Variants in PACS2 observed in about 807,000 individuals in gnomAD.
The protein encoded by PACS2 is phosphofurin acidic cluster sorting protein 2.
In PACS2, 36 loss-of-function variants were observed where a neutral mutation model predicts 113.0. That is an observed-to-expected ratio of 0.32 (90% CI 0.24 to 0.42). PACS2 has a LOEUF of 0.42. PACS2 is among the 10% of genes least tolerant of loss of function. PACS2 has a pLI of 1.00. For missense variants in PACS2, 1,015 were observed against 1,239.5 expected (o/e 0.82, Z 2.72); for synonymous variants, 589 against 536.1 (o/e 1.10, Z -1.36).
chr14:105,394,222 G>A, intron 24 of PACS2: 1 of 985,378 alleles, frequency 1.0e-6, no homozygotes, highest in African/African-American at 1.7e-5. Flanking sequence ...TCCCACACCT[G>A]TGCAGGTGGA....
intron 4 of PACS2, among the ~76,000 whole-genome samples, chr14:105,364,374 GTCCCGGGT>G (rs1566943271): frequency 5.2e-4 from 71 of 135,796 alleles, no homozygotes; most frequent in African/African-American, 1.6e-3. Flanking sequence ...CACGGTGGGC[GTCCCGGGT>G]GCGCGGTGGG....
chr14:105,361,552 G>T (rs587649713), intron 4 of PACS2, among the ~76,000 whole-genome samples: 188 of 152,358 alleles, frequency 1.2e-3, no homozygotes, highest in African/African-American at 4.1e-3. Flanking sequence ...CAGAAGAATC[G>T]GTTGAACCTG....
Position 105,394,772 on chromosome 14 carries a change from C to G in PACS2, c.*100C>G. 1.2e-6 allele frequency: 1 copy of G among 812,672 alleles called. No individual in the cohort carries two copies. The highest frequency in any genetic ancestry group is 2.3e-4 in the Middle Eastern group (1 of 4,436). 50.3% of individuals were successfully genotyped at this position (812,672 alleles called of 1,614,324 possible). On this transcript the variant is annotated 3_prime_UTR_variant, in exon 25 of 25. Transcript: ENST00000447393. ...TTACTACAGAGACAGACGCTTAAAACACAAAGAGAAACAGTCTTAAGTATG... is the reference window on the plus strand; with the variant it reads ...TTACTACAGAGACAGACGCTTAAAAGACAAAGAGAAACAGTCTTAAGTATG...
intron 2 of PACS2, among the ~76,000 whole-genome samples, chr14:105,349,972 C>T (rs1435485020): frequency 6.7e-6 from 1 of 150,108 alleles, no homozygotes; most frequent in Non-Finnish European, 1.5e-5. Context: ...AGCAGGACCC[C>T]GAGAACTTCC....
intron 1 of PACS2, among the ~76,000 whole-genome samples, chr14:105,322,600 A>G (rs1361298256): frequency 6.6e-6 from 1 of 152,182 alleles, no homozygotes; most frequent in Non-Finnish European, 1.5e-5. Context: ...AGTTAATTGT[A>G]TCTTTACTCT....
At chr14:105,337,118 A>G (rs1555400702) in intron 1 of PACS2, among the ~76,000 whole-genome samples, 2 of 152,258 alleles carry the variant, frequency 1.3e-5, no homozygotes, top group Non-Finnish European at 2.9e-5. Flanking sequence ...GGAAATGGAC[A>G]CAGGCTGCAA....
chr14:105,314,045 G>T (rs1178145435), upstream of PACS2, among the ~76,000 whole-genome samples: 1 of 152,286 alleles, frequency 6.6e-6, no homozygotes, highest in African/African-American at 2.4e-5. Flanking sequence ...GACGCAAAGA[G>T]GGCGCCCGGG....
intron 19 of PACS2, 78 bp from the exon 20 acceptor site, chr14:105,389,883 C>G: frequency 7.4e-7 from 1 of 1,355,220 alleles, no homozygotes; most frequent in South Asian, 1.2e-5. Flanking sequence ...GCCAGGTTCT[C>G]AGGCCAAGAG....
rs985202334 is a variant in PACS2, at chr14:105,358,313, G to A, written c.423+3136G>A. ...CTGGCTGGGACCATCAGGAGTGACCGCAGCCCCAGGGCCTGCTGGGCACGC... is the reference window on the plus strand; with the variant it reads ...CTGGCTGGGACCATCAGGAGTGACCACAGCCCCAGGGCCTGCTGGGCACGC... On this transcript the variant is annotated intron_variant, in intron 4 of 24. Coordinates refer to ENST00000447393, the MANE Select transcript of PACS2 (RefSeq NM_001100913.3). This position sits in a 1 kb window ranked among gnomAD's most constrained non-coding sequence, Gnocchi z 4.9. Among the ~76,000 whole-genome samples the A allele has an allele frequency of 4.6e-5, 7 of 152,210 alleles. No individual in the cohort carries two copies. The East Asian group carries it at 5.8e-4, about 13-fold the overall frequency.
rs1451560618 is a variant in PACS2 at position 105,323,992 on chromosome 14, C to G, written c.119+8955C>G. Among the ~76,000 whole-genome samples the G allele has an allele frequency of 6.6e-6, 1 of 152,252 alleles. No homozygotes were observed. The highest frequency in any genetic ancestry group is 2.4e-5 in the African/African-American group (1 of 41,468). On this transcript the variant is annotated intron_variant, in intron 1 of 24. Transcript: ENST00000447393. This position sits in a 1 kb window ranked among gnomAD's most constrained non-coding sequence, Gnocchi z 4.1. ...GCCTGGAAACCTCTGGCAGCTCTGTCCTGCTGTCAACACTGGAGTCACATG... is the reference window on the plus strand; with the variant it reads ...GCCTGGAAACCTCTGGCAGCTCTGTGCTGCTGTCAACACTGGAGTCACATG...
upstream of PACS2, among the ~76,000 whole-genome samples, chr14:105,311,135 G>A (rs2058341145): frequency 6.6e-6 from 1 of 151,914 alleles, no homozygotes. Flanking sequence ...TGTATTTTTA[G>A]TAGAGATGGG....
intron 11 of PACS2, among the ~76,000 whole-genome samples, chr14:105,380,686 T>TG (rs1293993871): frequency 2.0e-5 from 3 of 152,090 alleles, no homozygotes; most frequent in Non-Finnish European, 4.4e-5. Flanking sequence ...CTGCGTTGCA[T>TG]GGGGTCTCCT....
chr14:105,391,343 A>C, intron 21 of PACS2, 94 bp downstream of exon 21: 1 of 955,614 alleles, frequency 1.0e-6, no homozygotes, highest in South Asian at 1.3e-5. Flanking sequence ...TCAACCTTTC[A>C]GGGCCTGAGA....
chr14:105,353,471 A>G (rs2060314518), intron 3 of PACS2, among the ~76,000 whole-genome samples: 1 of 151,128 alleles, frequency 6.6e-6, no homozygotes, highest in South Asian at 2.1e-4. Context: ...GGGTGAGAGC[A>G]TTTGTCTCAT....
Position 105,392,698 on chromosome 14 carries a change from G to A in PACS2, c.2335G>A (p.Ala779Thr), listed in dbSNP as rs782288505. 5.0e-6 allele frequency: 8 copies of A among 1,612,756 alleles called. No individual in the cohort carries two copies. In the South Asian group the frequency reaches 5.5e-5, roughly 11 times the overall value. Reference sequence around the variant, plus strand: ...ACAGCCTGCGGACAGGAAGAGGGACGCCGAGAAGAAGGACCTGCCTGTCAC... The same window carrying A: ...ACAGCCTGCGGACAGGAAGAGGGACACCGAGAAGAAGGACCTGCCTGTCAC... ...AAQPADRKRD[A>T]EKKDLPVTKN... The change falls in exon 23 of 25, where the codon GCC becomes ACC. Residue 779 changes from alanine to threonine, a missense_variant. Physicochemically the swap from Ala to Thr is moderately conservative, Grantham distance 58. Coordinates refer to ENST00000447393, the MANE Select transcript of PACS2 (RefSeq NM_001100913.3).
intron 1 of PACS2, among the ~76,000 whole-genome samples, chr14:105,327,546 A>G (rs1283972055): frequency 6.6e-6 from 1 of 152,062 alleles, no homozygotes; most frequent in East Asian, 1.9e-4. Context: ...GTCTGCCGCT[A>G]GCGCTCGGAG....
intron 1 of PACS2, among the ~76,000 whole-genome samples, chr14:105,318,850 T>C (rs200936472): frequency 2.1e-4 from 32 of 149,942 alleles, no homozygotes; most frequent in Admixed American, 4.7e-4. Flanking sequence ...TTAGTAGAGA[T>C]GGGGTTTCAC....
intron 19 of PACS2, chr14:105,388,884 G>T (rs1555414192): frequency 1.3e-5 from 2 of 152,592 alleles, no homozygotes; most frequent in Middle Eastern, 3.1e-3. Flanking sequence ...CAGGCCACGG[G>T]GGGCCTTGAG....
At chr14:105,336,677 C>T (rs183922536) in intron 1 of PACS2, 2 of 152,520 alleles carry the variant, frequency 1.3e-5, no homozygotes, top group East Asian at 1.9e-4. Flanking sequence ...GGCCTTCCTT[C>T]CTGGGGTTGT....
Sources: allele counts gnomAD v4.1 joint callset (sites outside exome capture counted in the v4.1 genomes callset), GRCh38; gene constraint gnomAD v4.1.1; non-coding constraint Gnocchi (gnomAD v3.1); transcripts MANE v1.5; gene names NCBI Gene and HGNC (gene_info 2026-07-23, HGNC 2026-07-21).